The following KALRN variants were observed in gnomAD, a reference collection of about 807,000 sequenced individuals.
KALRN encodes kalirin RhoGEF kinase.
In KALRN, 70 loss-of-function variants were observed where a neutral mutation model predicts 353.7. The observed-to-expected ratio is 0.20, with a 90% CI of 0.16 to 0.24. KALRN has a LOEUF of 0.24. Among genes scored for constraint, KALRN ranks in the 10% least tolerant of loss-of-function variants. KALRN has a pLI of 1.00. For missense variants in KALRN, 2,791 were observed against 3,756.7 expected, an observed-to-expected ratio of 0.74 and a Z score of 6.72; for synonymous variants, 1,391 against 1,434.8, an observed-to-expected ratio of 0.97 and a Z score of 0.69.
chr3:124,662,214 T>C lies in KALRN; in HGVS notation c.6345+286T>C, dbSNP rs556407462. On this transcript the variant is annotated intron_variant, in intron 45 of 59. Transcript: ENST00000682506. ...AATTCTTTTTTTTTTTTTTTTTTTTTTTTTTGAGACAGGTTCTTGCCCTGT... is the reference window on the plus strand; with the variant it reads ...AATTCTTTTTTTTTTTTTTTTTTTTCTTTTTGAGACAGGTTCTTGCCCTGT... Among the ~76,000 whole-genome samples, 3 of 123,600 alleles carry C rather than the reference T, an allele frequency of 2.4e-5. No homozygotes were observed. The East Asian group carries it at 7.6e-4, about 31-fold the overall frequency. 81.1% of individuals were successfully genotyped at this position (123,600 alleles called of 152,430 possible). A position where few individuals can be genotyped will look rare whatever the true frequency, so the allele number is the denominator to read the frequency against.
At chr3:124,204,955 C>T (rs550384421) in intron 1 of KALRN, among the ~76,000 whole-genome samples, 2 of 100,634 alleles carry the variant, frequency 2.0e-5, no homozygotes, top group East Asian at 6.3e-4. Flanking sequence ...AGACATACTT[C>T]TTCCTCATTC....
At chr3:124,324,663 C>T (rs1390142203) in intron 6 of KALRN, among the ~76,000 whole-genome samples, 1 of 152,148 alleles carries the variant, frequency 6.6e-6, no homozygotes, top group Non-Finnish European at 1.5e-5. Context: ...TAAACTTCCA[C>T]AGAGACATTT....
At chr3:124,571,005 G>A (rs1373704179) in intron 34 of KALRN, among the ~76,000 whole-genome samples, 1 of 152,226 alleles carries the variant, frequency 6.6e-6, no homozygotes, top group Admixed American at 6.5e-5. Flanking sequence ...AATTCTAAGG[G>A]CTAGAATATT....
chr3:124,314,076 C>T (rs187853565), intron 6 of KALRN, among the ~76,000 whole-genome samples: 1 of 152,096 alleles, frequency 6.6e-6, no homozygotes, highest in East Asian at 1.9e-4. Flanking sequence ...CACTATTCAC[C>T]ATAGCAAAGA....
chr3:124,036,568 A>G (rs977994898), intron 1 of KALRN, among the ~76,000 whole-genome samples: 1 of 152,044 alleles, frequency 6.6e-6, no homozygotes, highest in Non-Finnish European at 1.5e-5. Context: ...TAGAAAAGCC[A>G]TGTTTCTAAA....
rs1417843580 is a variant in KALRN at position 124,723,270 on chromosome 3, G to C, written c.*3800G>C. The C allele has an allele frequency of 6.6e-6, 1 of 152,134 alleles. No individual in the cohort carries two copies. The highest frequency in any genetic ancestry group is 2.4e-5 in the African/African-American group (1 of 41,424). 9.4% of individuals were successfully genotyped at this position (152,134 alleles called of 1,614,324 possible). On this transcript the variant is annotated 3_prime_UTR_variant, in exon 60 of 60. Transcript: ENST00000682506. ...TTTTTTCTTTACTTTAAAATATCTT[G>C]TAAATGAAAACATCTGAATATAGGG...
chr3:124,720,666 A>G lies in KALRN; in HGVS notation c.*1196A>G, dbSNP rs912468838. 10 of 152,658 alleles carry G rather than the reference A, an allele frequency of 6.6e-5. No homozygotes were observed. The highest frequency in any genetic ancestry group is 5.2e-4 in the Admixed American group (8 of 15,300). 9.5% of individuals were successfully genotyped at this position (152,658 alleles called of 1,614,324 possible). ...AACTGAGATTGCAATACCTGTCACCATGCAGCCGCTGATAGTTCTCTGAAC... is the reference window on the plus strand; with the variant it reads ...AACTGAGATTGCAATACCTGTCACCGTGCAGCCGCTGATAGTTCTCTGAAC... On this transcript the variant is annotated 3_prime_UTR_variant, in exon 60 of 60. Coordinates refer to ENST00000682506, the MANE Select transcript of KALRN (RefSeq NM_001388419.1).
rs574118946 is a variant in KALRN at position 124,704,047 on chromosome 3, G to A, written c.8075+1931G>A. 2.0e-5 allele frequency among the ~76,000 whole-genome samples: 3 copies of A among 152,286 alleles called. No homozygotes were observed. In the South Asian group the frequency reaches 6.2e-4, roughly 32 times the overall value. ...CTTTCTTAAAGCCCCACAACTAGGA[G>A]GTGTGGAGCCAGGATTCAAATTCTG... is the stretch of plus-strand genomic sequence containing the variant. On this transcript the variant is annotated intron_variant, in intron 57 of 59. Transcript: ENST00000682506.
chr3:124,518,334 C>T (rs972573159), intron 33 of KALRN: 33 of 1,329,006 alleles, frequency 2.5e-5, no homozygotes, highest in Admixed American at 5.0e-5. Context: ...ATAAGGGCTA[C>T]GGGATCTCAT....
At chr3:124,356,429 G>T (rs1198723060) in intron 10 of KALRN, among the ~76,000 whole-genome samples, 1 of 150,384 alleles carries the variant, frequency 6.6e-6, no homozygotes, top group African/African-American at 2.5e-5. Flanking sequence ...TGCCTCCCGG[G>T]TTCAAGTGAT....
At chr3:124,560,987 T>C (rs553649217) in intron 33 of KALRN, among the ~76,000 whole-genome samples, 11 of 152,294 alleles carry the variant, frequency 7.2e-5, no homozygotes, top group African/African-American at 2.6e-4. Context: ...TTTTATTAGC[T>C]CTCCACATGA....
chr3:124,578,001 TC>T (rs1420965548), intron 34 of KALRN, among the ~76,000 whole-genome samples: 1 of 152,252 alleles, frequency 6.6e-6, no homozygotes, highest in Non-Finnish European at 1.5e-5. Context: ...TTGTCTCAAT[TC>T]CTCTTTTTCA....
chr3:124,375,394 C>T (rs1238965465), intron 10 of KALRN, among the ~76,000 whole-genome samples: 1 of 152,220 alleles, frequency 6.6e-6, no homozygotes, highest in Non-Finnish European at 1.5e-5. Flanking sequence ...CCCTTGCTCT[C>T]TGCACCATCT....
chr3:124,349,730 A>G (rs1396741173), intron 10 of KALRN, among the ~76,000 whole-genome samples: 1 of 152,200 alleles, frequency 6.6e-6, no homozygotes, highest in Non-Finnish European at 1.5e-5. Context: ...TAAAAAAAAA[A>G]GAAAGCCTCA....
chr3:124,208,440 A>G (rs1579401480), intron 1 of KALRN, among the ~76,000 whole-genome samples: 1 of 152,200 alleles, frequency 6.6e-6, no homozygotes, highest in Non-Finnish European at 1.5e-5. Context: ...AAGAGCTTGT[A>G]TATACTTTTT....
At chr3:124,562,616 T>G in intron 33 of KALRN, 66 of 351,888 alleles carry the variant, frequency 1.9e-4, no homozygotes, top group East Asian at 4.6e-4. Context: ...TGAATAGCAC[T>G]GTGCTAATTA....
intron 5 of KALRN, among the ~76,000 whole-genome samples, chr3:124,297,094 C>CAT (rs1416958133): frequency 6.6e-6 from 1 of 152,220 alleles, no homozygotes; most frequent in Non-Finnish European, 1.5e-5. Context: ...ACTCAAGAAC[C>CAT]ATATTTTAGT....
chr3:124,469,367 C>G (rs1019149452), intron 25 of KALRN, among the ~76,000 whole-genome samples: 5 of 152,172 alleles, frequency 3.3e-5, no homozygotes, highest in African/African-American at 1.2e-4. Context: ...CATGGCTCAG[C>G]CTGGGTGATC....
chr3:124,147,514 C>G (rs140714300), intron 1 of KALRN, among the ~76,000 whole-genome samples: 26 of 152,248 alleles, frequency 1.7e-4, no homozygotes, highest in African/African-American at 6.0e-4. Context: ...TTAGTGGCAT[C>G]TCCATCCATT....
Sources: gnomAD v4.1 joint callset for allele counts (sites outside exome capture counted in the v4.1 genomes callset) on GRCh38, gnomAD v4.1.1 for gene constraint, MANE v1.5 for transcripts, NCBI Gene and HGNC (gene_info 2026-07-23, HGNC 2026-07-21) for gene names.